Variants in SFPQ observed in about 807,000 individuals in gnomAD.
SFPQ encodes the protein splicing factor, proline- and glutamine-rich.
SFPQ carries 11 observed loss-of-function variants against 72.9 expected under a neutral mutation model. That is an observed-to-expected ratio of 0.15 (90% confidence interval 0.09 to 0.25). The LOEUF is 0.25. SFPQ is among the 10% of genes least tolerant of loss of function. The pLI is 1.00. For synonymous variants in SFPQ, 506 were observed against 367.3 expected (o/e 1.38, Z -4.32); for missense variants, 847 against 993.3 (o/e 0.85, Z 1.98).
intron 1 of SFPQ, among the ~76,000 whole-genome samples, chr1:35,191,970 C>G (rs148475643): frequency 5.9e-5 from 9 of 152,250 alleles, no homozygotes; most frequent in Non-Finnish European, 1.2e-4. Context: ...TCTGCAGGGC[C>G]GACCACCGCG....
At chr1:35,178,607 G>A (rs1639342163), downstream of SFPQ, 2 of 1,057,416 alleles carry the variant, frequency 1.9e-6, no homozygotes, top group East Asian at 1.0e-4. Flanking sequence ...GGCTGGAAAA[G>A]CTATGCCTTA....
chr1:35,176,826 A>G (rs1639261165), intron 5 of SFPQ, among the ~76,000 whole-genome samples: 1 of 151,008 alleles, frequency 6.6e-6, no homozygotes, highest in Non-Finnish European at 1.5e-5. Flanking sequence ...GTGAGCCAAG[A>G]CTGTGCACCA....
chr1:35,186,499 C>T (rs1639721339), intron 9 of SFPQ, among the ~76,000 whole-genome samples: 2 of 152,112 alleles, frequency 1.3e-5, no homozygotes, highest in Admixed American at 6.5e-5. Flanking sequence ...CGAGTCAAAA[C>T]ACTCAATTCC....
intron 5 of SFPQ, among the ~76,000 whole-genome samples, chr1:35,177,002 G>A (rs556907655): frequency 8.1e-4 from 123 of 152,222 alleles, no homozygotes; most frequent in African/African-American, 2.6e-3. Flanking sequence ...GATCACCTGA[G>A]GTCAGGAGTT....
At chr1:35,181,611 A>G (rs1474885475), downstream of SFPQ, 1 of 1,039,414 alleles carries the variant, frequency 9.6e-7, no homozygotes, top group Non-Finnish European at 1.1e-6. Context: ...TGCAGTTTTT[A>G]AAGATTAGGA....
At chr1:35,182,323 ATG>A, downstream of SFPQ, 1 of 985,320 alleles carries the variant, frequency 1.0e-6, no homozygotes, top group South Asian at 4.7e-5. Context: ...AAAATCTCTT[ATG>A]TATCACCAAT....
At position 35,184,213 on chromosome 1, in the gene SFPQ, CT is replaced by C. The variant is rs1639602528; in HGVS notation, c.*242del. ...GTGGCACAAGGTACACTGCCATAAACTTGAGGGACATTATACAGTAAAAAAG... is the reference window on the plus strand; with the variant it reads ...GTGGCACAAGGTACACTGCCATAAACTGAGGGACATTATACAGTAAAAAAG... On this transcript the variant is annotated 3_prime_UTR_variant, in exon 10 of 10. Transcript: ENST00000357214. 3.2e-6 allele frequency: 4 copies of C among 1,238,960 alleles called. No homozygotes were observed. The African/African-American group carries it at 4.8e-5, about 15-fold the overall frequency. The allele number at this position is 1,238,960 out of a possible 1,614,324, so 76.7% of individuals were successfully genotyped here.
chr1:35,182,953 T>C lies in SFPQ; in HGVS notation c.*1503A>G, dbSNP rs74395940. 4,530 of 1,043,378 alleles carry C rather than the reference T, an allele frequency of 4.3e-3. 155 individuals are homozygous for C. The African/African-American group carries it at 0.068, about 16-fold the overall frequency. The allele number at this position is 1,043,378 out of a possible 1,614,324, so 64.6% of individuals were successfully genotyped here. A position where few individuals can be genotyped will look rare whatever the true frequency, so the allele number is the denominator to read the frequency against. ...ACCATGGAAACATTCCAAGCCTTTA[T>C]GGTGGGAGGAAGGGATATTTGTACT... On this transcript the variant is annotated 3_prime_UTR_variant, in exon 10 of 10. Transcript: ENST00000357214.
At chr1:35,178,723 G>C, downstream of SFPQ, 1 of 1,053,730 alleles carries the variant, frequency 9.5e-7, no homozygotes, top group Non-Finnish European at 1.1e-6. Flanking sequence ...CTTCATTCAA[G>C]TTCCAGGTTT....
chr1:35,180,334 G>C, downstream of SFPQ: 2 of 1,026,936 alleles, frequency 1.9e-6, no homozygotes, highest in South Asian at 9.3e-5. Flanking sequence ...AGGTTTTCTT[G>C]TAAACATTTT....
At chr1:35,187,382 T>G in intron 7 of SFPQ, 131 bp from the exon 8 acceptor site, 1 of 890,704 alleles carries the variant, frequency 1.1e-6, no homozygotes, top group Non-Finnish European at 1.8e-6. Context: ...GAATTATTTT[T>G]GAAATCAATA....
At chr1:35,186,521 A>G (rs1180671442) in intron 9 of SFPQ, among the ~76,000 whole-genome samples, 2 of 152,212 alleles carry the variant, frequency 1.3e-5, no homozygotes, top group Non-Finnish European at 2.9e-5. Context: ...TTTTCATAGG[A>G]TAGAAGCCAC....
At chr1:35,189,148 T>C (rs1369106905) in intron 5 of SFPQ, 38 bp downstream of exon 5, 1 of 1,613,450 alleles carries the variant, frequency 6.2e-7, no homozygotes. Flanking sequence ...GAAAAACAAT[T>C]GACCTTAGCA....
At chr1:35,192,149 C>G in intron 1 of SFPQ, 73 bp downstream of exon 1, 8 of 1,206,202 alleles carry the variant, frequency 6.6e-6, no homozygotes, top group Non-Finnish European at 7.4e-6. Context: ...GGAAGCCCAG[C>G]GCGGGGGCGG....
chr1:35,191,286 C>CA (rs375609994), intron 2 of SFPQ, 55 bp downstream of exon 2: 41 of 1,477,952 alleles, frequency 2.8e-5, no homozygotes, highest in South Asian at 1.2e-4. Context: ...TTTGTAGTGA[C>CA]AAAAAAATCC....
chr1:35,187,982 G>A lies in SFPQ; in HGVS notation c.1806C>T (p.Tyr602=). 1 of 1,611,466 alleles carries A rather than the reference G, an allele frequency of 6.2e-7. No homozygotes were observed. The highest frequency in any genetic ancestry group is 2.2e-5 in the East Asian group (1 of 44,866). Residue 602 remains tyrosine, a synonymous_variant, in exon 7 of 10, where the codon TAC becomes TAT. Transcript: ENST00000357214. ...QREESYSRMG[Y]MDPRERDMRM... is the part of the protein sequence containing the mutation. Reference sequence around the variant, plus strand: ...GTAAAGGCTGACTTACTGGATCCATGTAGCCCATTCGGCTGTAACTTTCCT... The same window carrying A: ...GTAAAGGCTGACTTACTGGATCCATATAGCCCATTCGGCTGTAACTTTCCT...
chr1:35,186,752 G>A (rs1270163858), intron 9 of SFPQ, among the ~76,000 whole-genome samples: 1 of 152,110 alleles, frequency 6.6e-6, no homozygotes, highest in Non-Finnish European at 1.5e-5. Flanking sequence ...TATTGCCAAA[G>A]GTAATTCCAC....
chr1:35,191,928 T>C (rs1490994563), intron 1 of SFPQ, among the ~76,000 whole-genome samples: 11 of 152,238 alleles, frequency 7.2e-5, no homozygotes, highest in Admixed American at 5.9e-4. Flanking sequence ...CCGCATGCTC[T>C]GCATTACGCC....
At position 35,192,604 on chromosome 1, in the gene SFPQ, G is replaced by T; in HGVS notation, c.446C>A (p.Pro149Gln). 7.4e-7 allele frequency: 1 copy of T among 1,344,144 alleles called. No individual in the cohort carries two copies. Among genetic ancestry groups the T allele is most frequent in the Non-Finnish European group, 9.5e-7 (1 of 1,054,318 alleles). 83.3% of individuals were successfully genotyped at this position (1,344,144 alleles called of 1,614,324 possible). A position where few individuals can be genotyped will look rare whatever the true frequency, so the allele number is the denominator to read the frequency against. Reference protein sequence around the residue: ...SGAPPGSGPGPTPTPPPAVTS... With the variant: ...SGAPPGSGPGQTPTPPPAVTS... Reference sequence around the variant, plus strand: ...GACTGCAGGCGGCGGGGTCGGAGTCGGGCCTGGCCCGGACCCTGGCGGGGC... The same window carrying T: ...GACTGCAGGCGGCGGGGTCGGAGTCTGGCCTGGCCCGGACCCTGGCGGGGC... Residue 149 changes from proline to glutamine, a missense_variant, in exon 1 of 10, where the codon CCG (proline) becomes CAG (glutamine). Physicochemically the swap from Pro to Gln is moderately conservative, Grantham distance 76 (BLOSUM62 -1). Around this residue, in one of 6 missense-constraint regions of SFPQ, gnomAD observed 498 missense variants for 405.1 expected, o/e 1.23. Transcript: ENST00000357214.
Sources: allele counts gnomAD v4.1 joint callset (sites outside exome capture counted in the v4.1 genomes callset), GRCh38; gene constraint gnomAD v4.1.1; regional missense constraint gnomAD v4.1.1; transcripts MANE v1.5; gene names NCBI Gene and HGNC (gene_info 2026-07-23, HGNC 2026-07-21).